The following COL14A1 variants were observed in gnomAD, a reference collection of about 807,000 sequenced individuals.
COL14A1 encodes collagen alpha-1(XIV) chain.
In COL14A1, 136 loss-of-function variants were observed where a neutral mutation model predicts 230.3. The ratio of observed to expected loss-of-function variants is 0.59; its 90% CI spans 0.51 to 0.68. The LOEUF (loss-of-function observed/expected upper bound fraction) is 0.68, where lower values mean the gene tolerates loss of function less well. Ranked by LOEUF, COL14A1 falls within the 30% of genes least tolerant of loss-of-function variation. The pLI is 0.00. For synonymous variants in COL14A1, 792 were observed against 784.1 expected (o/e 1.01, Z -0.17); for missense variants, 1,976 against 2,215.8 (o/e 0.89, Z 2.17).
chr8:120,132,015 A>AT (rs778747951), intron 1 of COL14A1, among the ~76,000 whole-genome samples: 1 of 150,968 alleles, frequency 6.6e-6, no homozygotes, highest in Non-Finnish European at 1.5e-5. Context: ...TGCCCAGATA[A>AT]TTTTTTATAT....
intron 46 of COL14A1, 34 bp downstream of exon 46, chr8:120,367,282 G>A (rs1182467616): frequency 6.5e-7 from 1 of 1,540,978 alleles, no homozygotes; most frequent in Admixed American, 1.8e-5. Flanking sequence ...GACTGCAAAT[G>A]TATATTTTTA....
chr8:120,282,675 A>G (rs1820074366), intron 31 of COL14A1, among the ~76,000 whole-genome samples: 1 of 152,192 alleles, frequency 6.6e-6, no homozygotes, highest in Non-Finnish European at 1.5e-5. Flanking sequence ...TTCCTACTAT[A>G]TGTAAAGGGT....
chr8:120,145,336 G>A (rs1472441807), intron 1 of COL14A1, among the ~76,000 whole-genome samples: 1 of 152,130 alleles, frequency 6.6e-6, no homozygotes, highest in Admixed American at 6.5e-5. Context: ...CATGCATCTT[G>A]GGCTGTGTGA....
chr8:120,135,718 C>CTT (rs562845712), intron 1 of COL14A1, among the ~76,000 whole-genome samples: 12 of 145,426 alleles, frequency 8.3e-5, no homozygotes, highest in African/African-American at 2.8e-4. Flanking sequence ...TAACAGAGTA[C>CTT]TTTTTTTTTT....
At chr8:120,284,402 C>T (rs1820130814) in intron 32 of COL14A1, among the ~76,000 whole-genome samples, 1 of 152,138 alleles carries the variant, frequency 6.6e-6, no homozygotes, top group South Asian at 2.1e-4. Flanking sequence ...GATGTTGTAC[C>T]ATCAACCTCA....
intron 13 of COL14A1, among the ~76,000 whole-genome samples, 165 bp from the exon 14 acceptor site, chr8:120,216,186 C>T (rs1267970978): frequency 2.0e-5 from 3 of 151,932 alleles, no homozygotes; most frequent in Non-Finnish European, 4.4e-5. Context: ...AATTAGAGAA[C>T]ATTATTGATT....
intron 32 of COL14A1, among the ~76,000 whole-genome samples, chr8:120,284,282 G>A (rs1046118561): frequency 7.7e-4 from 117 of 152,178 alleles, no homozygotes; most frequent in African/African-American, 2.7e-3. Context: ...ACTAGAAAAT[G>A]AGTCTAGAAA....
chr8:120,148,543 A>C (rs1423093222), intron 2 of COL14A1, among the ~76,000 whole-genome samples: 1 of 152,170 alleles, frequency 6.6e-6, no homozygotes, highest in African/African-American at 2.4e-5. Flanking sequence ...TTGCTTTATG[A>C]ATAAAGCCCT....
chr8:120,185,102 C>T (rs928264140), intron 5 of COL14A1, among the ~76,000 whole-genome samples: 1 of 152,100 alleles, frequency 6.6e-6, no homozygotes, highest in Non-Finnish European at 1.5e-5. Context: ...TTAGATAGGG[C>T]AGGCATCTGT....
At chr8:120,237,023 C>T (rs969987842) in intron 19 of COL14A1, among the ~76,000 whole-genome samples, 1 of 152,182 alleles carries the variant, frequency 6.6e-6, no homozygotes, top group African/African-American at 2.4e-5. Context: ...GTGGGTAGCC[C>T]AACCTTTCGC....
At chr8:120,140,022 TA>T (rs899622533) in intron 1 of COL14A1, among the ~76,000 whole-genome samples, 2 of 151,702 alleles carry the variant, frequency 1.3e-5, no homozygotes, top group Non-Finnish European at 2.9e-5. Flanking sequence ...ACAGAGATCC[TA>T]AAAAAAACCC....
chr8:120,279,554 A>G (rs1209090859), intron 28 of COL14A1, among the ~76,000 whole-genome samples: 1 of 22,632 alleles, frequency 4.4e-5, no homozygotes, highest in Non-Finnish European at 9.0e-5. Context: ...CTACTTCTGA[A>G]AAAAAAAAAA....
chr8:120,221,277 G>C (rs895091468), intron 14 of COL14A1, among the ~76,000 whole-genome samples: 1 of 152,082 alleles, frequency 6.6e-6, no homozygotes, highest in African/African-American at 2.4e-5. Flanking sequence ...TAGCTAGACT[G>C]ATTGAGGATA....
At position 120,266,840 on chromosome 8, in the gene COL14A1, A is replaced by C. The variant is rs1819516010; in HGVS notation, c.3030A>C (p.Thr1010=). The C allele has an allele frequency of 6.2e-7, 1 of 1,612,158 alleles. No individual in the cohort carries two copies. The highest frequency in any genetic ancestry group is 1.3e-5 in the African/African-American group (1 of 74,750). ...SIMEKTQSLP[T]RPPTFPPTIP... ...TTTCCTTTACAGAATCACTTCCTACACGACCACCAACTTTTCCTCCAACCA... is the reference window on the plus strand; with the variant it reads ...TTTCCTTTACAGAATCACTTCCTACCCGACCACCAACTTTTCCTCCAACCA... The change falls in exon 25 of 48, where the codon ACA becomes ACC. Residue 1010 remains threonine (T), a synonymous_variant. Coordinates refer to ENST00000297848, the MANE Select transcript of COL14A1 (RefSeq NM_021110.4).
intron 9 of COL14A1, among the ~76,000 whole-genome samples, chr8:120,205,703 T>G (rs1817408274): frequency 6.6e-6 from 1 of 152,164 alleles, no homozygotes; most frequent in Non-Finnish European, 1.5e-5. Flanking sequence ...CTGAACACAT[T>G]TCTCTGAGCT....
Position 120,225,215 on chromosome 8 carries a change from G to A in COL14A1, c.1864+1G>A. On this transcript the variant is annotated splice_donor_variant, in intron 15 of 47. Transcript: ENST00000297848. LOFTEE classifies it high-confidence loss of function. ...CCTCTGACTGGAGTTTTTACCACCG[G>A]TAAGCAGCCTCATTATGGTTTGAAA... 1 of 1,610,454 alleles carries A rather than the reference G, an allele frequency of 6.2e-7. No homozygotes were observed. The highest frequency in any genetic ancestry group is 8.5e-7 in the Non-Finnish European group (1 of 1,178,884).
chr8:120,298,789 C>T (rs1055744857), intron 35 of COL14A1, among the ~76,000 whole-genome samples: 2 of 150,700 alleles, frequency 1.3e-5, no homozygotes, highest in Admixed American at 6.6e-5. Flanking sequence ...GAGATTTGAC[C>T]TTATAACCGT....
At chr8:120,331,290 G>A (rs975947973) in intron 40 of COL14A1, among the ~76,000 whole-genome samples, 6 of 152,068 alleles carry the variant, frequency 3.9e-5, no homozygotes, top group Admixed American at 2.6e-4. Flanking sequence ...ATTCCGTGGT[G>A]AAAATTAAGT....
chr8:120,174,011 T>A (rs1417542968), intron 5 of COL14A1, among the ~76,000 whole-genome samples: 2 of 152,214 alleles, frequency 1.3e-5, no homozygotes, highest in Non-Finnish European at 2.9e-5. Context: ...TTTATTTTAA[T>A]ACAGTTAAGT....
Sources: allele counts gnomAD v4.1 joint callset (sites outside exome capture counted in the v4.1 genomes callset), GRCh38; gene constraint gnomAD v4.1.1; transcripts MANE v1.5; gene names NCBI Gene and HGNC (gene_info 2026-07-23, HGNC 2026-07-21).